CCSER1: variants seen among roughly 807,000 people sequenced by gnomAD.
CCSER1 encodes coiled-coil serine rich protein 1.
Under a neutral mutation model 82.0 loss-of-function variants are expected in CCSER1, and 41 were observed. The ratio of observed to expected loss-of-function variants is 0.50; its 90% CI spans 0.39 to 0.65. CCSER1 has a LOEUF of 0.65. Ranked by LOEUF, CCSER1 falls within the 30% of genes least tolerant of loss-of-function variation. The pLI is 0.00. For synonymous variants in CCSER1, 414 were observed against 383.9 expected, an observed-to-expected ratio of 1.08 and a Z score of -0.92; for missense variants, 1,119 against 1,064.2, an observed-to-expected ratio of 1.05 and a Z score of -0.72.
chr4:90,400,762 T>A (rs1186376933), intron 4 of CCSER1, among the ~76,000 whole-genome samples: 2 of 152,188 alleles, frequency 1.3e-5, no homozygotes, highest in Non-Finnish European at 2.9e-5. Flanking sequence ...AGAATTACTC[T>A]CTTTAAAGTT....
Position 90,628,033 on chromosome 4 carries a change from C to G in CCSER1, c.1733C>G (p.Ser578Cys). ...EFPEPSKQNLSLKLTKDVDQE... is the reference protein window; with the variant it reads ...EFPEPSKQNLCLKLTKDVDQE... ...TTTTTTTTTCTTGTTAGGAATCTTTCCCTGAAATTAACAAAGGACGTTGAT... is the reference window on the plus strand; with the variant it reads ...TTTTTTTTTCTTGTTAGGAATCTTTGCCTGAAATTAACAAAGGACGTTGAT... The change falls in exon 6 of 11, where the codon TCC becomes TGC. Residue 578 changes from serine (S) to cysteine (C), a missense_variant. Ser to Cys is a moderately radical substitution (Grantham distance 112, BLOSUM62 -1). Coordinates refer to ENST00000509176, the MANE Select transcript of CCSER1 (RefSeq NM_001145065.2). The G allele has an allele frequency of 6.2e-7, 1 of 1,612,500 alleles. No homozygotes were observed. The highest frequency in any genetic ancestry group is 8.5e-7 in the Non-Finnish European group (1 of 1,179,096).
chr4:91,507,084 T>C (rs1340726157), intron 10 of CCSER1, among the ~76,000 whole-genome samples: 1 of 152,218 alleles, frequency 6.6e-6, no homozygotes, highest in Non-Finnish European at 1.5e-5. Flanking sequence ...AACGAAACTT[T>C]TAATTACATT....
intron 1 of CCSER1, among the ~76,000 whole-genome samples, chr4:90,276,064 C>A (rs897037031): frequency 1.3e-5 from 2 of 152,048 alleles, no homozygotes; most frequent in African/African-American, 4.8e-5. Flanking sequence ...TTTAATAATT[C>A]TGTTGCCTTC....
intron 5 of CCSER1, among the ~76,000 whole-genome samples, chr4:90,536,562 C>T (rs907144860): frequency 1.3e-5 from 2 of 152,100 alleles, no homozygotes; most frequent in Admixed American, 6.5e-5. Flanking sequence ...CTGTGGCCTT[C>T]GATGTGTATT....
chr4:90,663,384 G>A (rs535675078), intron 6 of CCSER1, among the ~76,000 whole-genome samples: 3 of 152,208 alleles, frequency 2.0e-5, no homozygotes, highest in Non-Finnish European at 4.4e-5. Context: ...AAAGCTCGGA[G>A]TGTTTCTAGT....
chr4:91,021,711 A>T (rs1316311708), intron 9 of CCSER1, among the ~76,000 whole-genome samples: 2 of 152,202 alleles, frequency 1.3e-5, no homozygotes, highest in Non-Finnish European at 1.5e-5. Flanking sequence ...GGAACAAATG[A>T]TGTACAGTAA....
chr4:90,277,553 A>G (rs1045285562), intron 1 of CCSER1, among the ~76,000 whole-genome samples: 5 of 152,154 alleles, frequency 3.3e-5, no homozygotes, highest in African/African-American at 1.2e-4. Flanking sequence ...TCTTAAACAA[A>G]CTCAACAAAA....
intron 1 of CCSER1, among the ~76,000 whole-genome samples, chr4:90,170,617 T>C (rs1048006714): frequency 6.6e-6 from 1 of 151,860 alleles, no homozygotes; most frequent in Non-Finnish European, 1.5e-5. Flanking sequence ...TGAGAACATA[T>C]GCAATTTATC....
At chr4:91,394,164 G>C (rs1379867494) in intron 10 of CCSER1, among the ~76,000 whole-genome samples, 1 of 152,048 alleles carries the variant, frequency 6.6e-6, no homozygotes. Context: ...TAATACTGTA[G>C]TTAGATTTTC....
intron 10 of CCSER1, among the ~76,000 whole-genome samples, chr4:91,423,465 A>G (rs1753797565): frequency 6.6e-6 from 1 of 152,076 alleles, no homozygotes; most frequent in Non-Finnish European, 1.5e-5. Context: ...CGGTAGAAAA[A>G]GAATATAAGC....
intron 9 of CCSER1, among the ~76,000 whole-genome samples, chr4:90,965,301 C>A (rs949503959): frequency 6.6e-6 from 1 of 152,028 alleles, no homozygotes; most frequent in African/African-American, 2.4e-5. Flanking sequence ...CTTATAAATT[C>A]TCTGGAACCT....
At position 91,604,887 on chromosome 4, in the gene CCSER1, A is replaced by T. The variant is rs1447266582; in HGVS notation, c.*5830A>T. The stretch of plus-strand genomic sequence containing the variant: ...CAAAATAATGTCTGAATAAGACGTA[A>T]TCCTGTCATGAGTTCTCTCTTCCAA... On this transcript the variant is annotated 3_prime_UTR_variant, in exon 11 of 11. Coordinates refer to ENST00000509176, the MANE Select transcript of CCSER1 (RefSeq NM_001145065.2). 1 of 151,930 alleles carries T rather than the reference A, an allele frequency of 6.6e-6. No individual in the cohort carries two copies. The highest frequency in any genetic ancestry group is 1.5e-5 in the Non-Finnish European group (1 of 67,910). 9.4% of individuals were successfully genotyped at this position (151,930 alleles called of 1,614,324 possible). A position where few individuals can be genotyped will look rare whatever the true frequency, so the allele number is the denominator to read the frequency against.
intron 10 of CCSER1, among the ~76,000 whole-genome samples, chr4:91,323,342 G>A (rs1432360366): frequency 6.6e-6 from 1 of 152,130 alleles, no homozygotes; most frequent in Admixed American, 6.6e-5. Flanking sequence ...CTCCTCCTTA[G>A]AGGTTCTAAT....
At chr4:91,510,554 G>T (rs1759759831) in intron 10 of CCSER1, among the ~76,000 whole-genome samples, 1 of 152,046 alleles carries the variant, frequency 6.6e-6, no homozygotes, top group Non-Finnish European at 1.5e-5. Context: ...TTTTATTGTG[G>T]TTTTTATTTG....
At chr4:90,894,564 T>C (rs1035875024) in intron 8 of CCSER1, among the ~76,000 whole-genome samples, 2 of 152,016 alleles carry the variant, frequency 1.3e-5, no homozygotes, top group Non-Finnish European at 2.9e-5. Context: ...GCTGCATCTC[T>C]CCCTATCCTC....
At chr4:90,595,322 A>G (rs924331347) in intron 5 of CCSER1, among the ~76,000 whole-genome samples, 1 of 152,006 alleles carries the variant, frequency 6.6e-6, no homozygotes, top group African/African-American at 2.4e-5. Context: ...ATTGAAATAA[A>G]CTAATAAGAA....
At chr4:90,499,118 G>A (rs1159882697) in intron 5 of CCSER1, among the ~76,000 whole-genome samples, 1 of 151,924 alleles carries the variant, frequency 6.6e-6, no homozygotes, top group Non-Finnish European at 1.5e-5. Flanking sequence ...GTGTATATGT[G>A]TGTGTGTGTG....
intron 9 of CCSER1, among the ~76,000 whole-genome samples, chr4:90,993,376 GATTTA>G (rs1737203836): frequency 6.6e-6 from 1 of 151,722 alleles, no homozygotes; most frequent in Non-Finnish European, 1.5e-5. Context: ...GCTTCCAGAT[GATTTA>G]ATTTGCAGCT....
intron 7 of CCSER1, among the ~76,000 whole-genome samples, chr4:90,742,642 G>A (rs1169625548): frequency 6.6e-6 from 1 of 152,048 alleles, no homozygotes; most frequent in Non-Finnish European, 1.5e-5. Context: ...ACTTTCAATT[G>A]TTTAGAAGCC....
Sources: allele counts gnomAD v4.1 joint callset (sites outside exome capture counted in the v4.1 genomes callset), GRCh38; gene constraint gnomAD v4.1.1; transcripts MANE v1.5; gene names NCBI Gene and HGNC (gene_info 2026-07-23, HGNC 2026-07-21).